Variants in GPHN observed in about 807,000 individuals in gnomAD.
GPHN encodes the protein gephyrin.
A neutral mutation model predicts 95.5 loss-of-function variants in GPHN; 17 were observed. The observed-to-expected ratio is 0.18, with a 90% CI of 0.12 to 0.27. GPHN has a LOEUF of 0.27. Among genes scored for constraint, GPHN ranks in the 10% least tolerant of loss-of-function variants. GPHN has a pLI of 1.00. For synonymous variants in GPHN, 320 were observed against 322.5 expected, an observed-to-expected ratio of 0.99 and a Z score of 0.08; for missense variants, 660 against 978.1, an observed-to-expected ratio of 0.67 and a Z score of 4.34.
At chr14:67,348,447 C>T in the GPHN span, among the ~76,000 whole-genome samples, 69 of 151,700 alleles carry the variant, frequency 4.5e-4, no homozygotes, top group African/African-American at 1.5e-3. Context: ...CCTTGTGATC[C>T]GCCCACCTCA....
At chr14:67,001,458 T>C (rs907936941) in intron 9 of GPHN, among the ~76,000 whole-genome samples, 1 of 151,658 alleles carries the variant, frequency 6.6e-6, no homozygotes, top group Non-Finnish European at 1.5e-5. Context: ...TTTGAATGTC[T>C]TTTTGTAATA....
At chr14:67,670,642 C>T in the GPHN span, among the ~76,000 whole-genome samples, 46 of 152,156 alleles carry the variant, frequency 3.0e-4, 1 homozygote, top group African/African-American at 1.1e-3. Flanking sequence ...GATTCTCCTG[C>T]CTCAGCCTCC....
chr14:66,522,815 A>G (rs192783052), intron 1 of GPHN, among the ~76,000 whole-genome samples: 38 of 151,474 alleles, frequency 2.5e-4, no homozygotes, highest in African/African-American at 8.7e-4. Flanking sequence ...TTTTCCTGTT[A>G]AAATGTTGAC....
the GPHN span, chr14:67,338,837 G>GT: frequency 1.4e-6 from 2 of 1,390,376 alleles, no homozygotes; most frequent in Non-Finnish European, 2.0e-6. Flanking sequence ...TTTGAGTTTT[G>GT]TAACAAGGAT....
At chr14:67,461,685 G>A in the GPHN span, among the ~76,000 whole-genome samples, 1 of 152,102 alleles carries the variant, frequency 6.6e-6, no homozygotes, top group African/African-American at 2.4e-5. Flanking sequence ...ACAGTCAGAA[G>A]AAGAAAAGTT....
At chr14:66,661,618 C>T (rs1343203125) in intron 1 of GPHN, among the ~76,000 whole-genome samples, 1 of 152,182 alleles carries the variant, frequency 6.6e-6, no homozygotes, top group Non-Finnish European at 1.5e-5. Flanking sequence ...CAACACAACA[C>T]AGCTGCTCTA....
intron 1 of GPHN, among the ~76,000 whole-genome samples, chr14:66,643,905 A>C (rs1360879878): frequency 6.6e-6 from 1 of 151,884 alleles, no homozygotes; most frequent in Admixed American, 6.6e-5. Context: ...AATAATACTG[A>C]TTATGTTCAC....
intron 9 of GPHN, among the ~76,000 whole-genome samples, chr14:66,976,913 TG>T (rs1343873445): frequency 2.3e-4 from 18 of 79,998 alleles, no homozygotes; most frequent in African/African-American, 1.5e-3. Context: ...CACAGAAATA[TG>T]TGGGGGGGGG....
the GPHN span, chr14:67,317,002 G>C: frequency 6.6e-6 from 6 of 912,598 alleles, no homozygotes; most frequent in Non-Finnish European, 1.0e-5. Context: ...AGTACTCAGG[G>C]AAAGAGTGAT....
chr14:66,545,726 G>A (rs1336059905), intron 1 of GPHN, among the ~76,000 whole-genome samples: 41 of 126,820 alleles, frequency 3.2e-4, no homozygotes, highest in African/African-American at 6.0e-4. Flanking sequence ...GTGGCTGGCC[G>A]GGCGGGGGGC....
intron 1 of GPHN, among the ~76,000 whole-genome samples, chr14:66,654,623 A>G (rs1427849214): frequency 1.3e-5 from 2 of 152,102 alleles, no homozygotes; most frequent in African/African-American, 4.8e-5. Context: ...CTTTCTTACC[A>G]GGGTTTTTCA....
intron 1 of GPHN, among the ~76,000 whole-genome samples, chr14:66,518,160 A>G (rs950311627): frequency 2.0e-5 from 3 of 151,986 alleles, no homozygotes; most frequent in Non-Finnish European, 4.4e-5. Flanking sequence ...ACCCTGCAAA[A>G]AATGCAATCT....
At chr14:66,931,157 A>C (rs2066769209) in intron 8 of GPHN, among the ~76,000 whole-genome samples, 1 of 152,048 alleles carries the variant, frequency 6.6e-6, no homozygotes. Context: ...TTCCTTCAGC[A>C]GTTTAAAATT....
the GPHN span, among the ~76,000 whole-genome samples, chr14:67,359,317 G>C: frequency 6.6e-6 from 1 of 152,238 alleles, no homozygotes; most frequent in Non-Finnish European, 1.5e-5. Flanking sequence ...CTGTAGGGCA[G>C]AGGTGGCGAC....
the GPHN span, among the ~76,000 whole-genome samples, chr14:67,526,821 A>C: frequency 6.6e-6 from 1 of 152,104 alleles, no homozygotes; most frequent in Non-Finnish European, 1.5e-5. Flanking sequence ...CAGGGCTTCC[A>C]TACTGAGGGC....
the GPHN span, among the ~76,000 whole-genome samples, chr14:67,545,232 A>G: frequency 2.6e-5 from 4 of 152,306 alleles, no homozygotes; most frequent in African/African-American, 4.8e-5. Flanking sequence ...TCTTCTGCTG[A>G]TATGCCACTG....
chr14:66,909,827 A>G (rs1190997687), intron 5 of GPHN, among the ~76,000 whole-genome samples: 1 of 152,000 alleles, frequency 6.6e-6, no homozygotes, highest in African/African-American at 2.4e-5. Context: ...CATGATTACT[A>G]CATGGGAATT....
At chr14:67,119,472 G>A (rs1284003271) in intron 16 of GPHN, among the ~76,000 whole-genome samples, 1 of 152,172 alleles carries the variant, frequency 6.6e-6, no homozygotes, top group Non-Finnish European at 1.5e-5. Flanking sequence ...TTTGGGAAGA[G>A]TGGGCTACAA....
intron 3 of GPHN, among the ~76,000 whole-genome samples, chr14:66,784,244 G>A (rs757938783): frequency 6.6e-6 from 1 of 152,148 alleles, no homozygotes; most frequent in Non-Finnish European, 1.5e-5. Context: ...CTCACAGGGG[G>A]CAACAGACGG....
Sources: allele counts gnomAD v4.1 joint callset (sites outside exome capture counted in the v4.1 genomes callset), GRCh38; gene constraint gnomAD v4.1.1; transcripts MANE v1.5; gene names NCBI Gene and HGNC (gene_info 2026-07-23, HGNC 2026-07-21).